ARSG: variants seen among roughly 807,000 people sequenced by gnomAD.
The protein encoded by ARSG is arylsulfatase G.
ARSG carries 37 observed loss-of-function variants against 50.5 expected under a neutral mutation model. That is an observed-to-expected ratio of 0.73 (90% CI 0.56 to 0.96). The LOEUF is 0.96. Ranked by LOEUF, ARSG falls within the 50% of genes least tolerant of loss-of-function variation. The pLI is 0.00. For missense variants in ARSG, 629 were observed against 675.3 expected (o/e 0.93, Z 0.76); for synonymous variants, 225 against 254.6 (o/e 0.88, Z 1.11).
intron 2 of ARSG, among the ~76,000 whole-genome samples, chr17:68,318,645 A>G (rs1431713609): frequency 1.3e-5 from 2 of 152,202 alleles, no homozygotes; most frequent in Non-Finnish European, 2.9e-5. Context: ...CACTGTAATC[A>G]TGTTTACTTA....
intron 1 of ARSG, among the ~76,000 whole-genome samples, chr17:68,305,486 G>C (rs782350030): frequency 1.3e-5 from 2 of 152,160 alleles, no homozygotes; most frequent in Non-Finnish European, 2.9e-5. Context: ...TGAATCTGCG[G>C]TTTAATCAAC....
At chr17:68,358,369 C>G (rs943787837) in intron 6 of ARSG, among the ~76,000 whole-genome samples, 6 of 151,892 alleles carry the variant, frequency 4.0e-5, no homozygotes, top group Non-Finnish European at 8.8e-5. Context: ...CCTGGACAAC[C>G]TGGTGAGACC....
At chr17:68,418,056 GC>G (rs1448609168) in intron 11 of ARSG, among the ~76,000 whole-genome samples, 11 of 151,976 alleles carry the variant, frequency 7.2e-5, no homozygotes, top group Non-Finnish European at 1.5e-4. Flanking sequence ...AGTTTGTTCA[GC>G]TTTTTACTTG....
intron 2 of ARSG, among the ~76,000 whole-genome samples, chr17:68,317,464 TG>T (rs1169524242): frequency 1.1e-4 from 16 of 151,942 alleles, no homozygotes; most frequent in African/African-American, 2.4e-4. Context: ...TGAACTGTTT[TG>T]TTTTTTTTTT....
At chr17:68,405,324 A>G (rs2081662305) in intron 11 of ARSG, among the ~76,000 whole-genome samples, 1 of 152,112 alleles carries the variant, frequency 6.6e-6, no homozygotes, top group Non-Finnish European at 1.5e-5. Context: ...ATCCATGAAC[A>G]TGGGATGTAA....
intron 9 of ARSG, among the ~76,000 whole-genome samples, chr17:68,391,467 G>A (rs943992172): frequency 6.6e-6 from 1 of 152,160 alleles, no homozygotes; most frequent in South Asian, 2.1e-4. Context: ...AGGATTCCGT[G>A]AACATTAGAC....
At chr17:68,388,988 C>T (rs1405608338) in intron 9 of ARSG, among the ~76,000 whole-genome samples, 1 of 151,930 alleles carries the variant, frequency 6.6e-6, no homozygotes, top group East Asian at 1.9e-4. Context: ...GAGGTAACTC[C>T]CTGGGCTACC....
intron 2 of ARSG, among the ~76,000 whole-genome samples, chr17:68,326,183 G>A (rs567799208): frequency 9.8e-5 from 15 of 152,342 alleles, no homozygotes; most frequent in African/African-American, 3.6e-4. Flanking sequence ...GATATGATAA[G>A]GGTTAGGGAC....
intron 2 of ARSG, among the ~76,000 whole-genome samples, chr17:68,331,448 G>A (rs971923818): frequency 6.6e-6 from 1 of 152,058 alleles, no homozygotes; most frequent in African/African-American, 2.4e-5. Context: ...GTTTCACCGT[G>A]TTAGCCAGGA....
At chr17:68,421,832 A>G (rs938892205), downstream of ARSG, 11 of 1,614,092 alleles carry the variant, frequency 6.8e-6, no homozygotes, top group Non-Finnish European at 9.3e-6. Context: ...TACCAAAATC[A>G]AAACAGAATG....
chr17:68,381,878 C>T lies in ARSG; in HGVS notation c.983-3186C>T, dbSNP rs2080449671. Among the ~76,000 whole-genome samples, 1 of 152,122 alleles carries T rather than the reference C, an allele frequency of 6.6e-6. No homozygotes were observed. The highest frequency in any genetic ancestry group is 1.5e-5 in the Non-Finnish European group (1 of 68,008). On this transcript the variant is annotated intron_variant, in intron 8 of 11. Coordinates refer to ENST00000621439, the MANE Select transcript of ARSG (RefSeq NM_001267727.2). The surrounding 1 kb of genome is among the most constrained non-coding windows in gnomAD (Gnocchi z 4.1). Reference sequence around the variant, plus strand: ...CTAATACATATTCAAAATGGAACCACCTCCCTAGGTTTAGTGAGTGAGGGT... The same window carrying T: ...CTAATACATATTCAAAATGGAACCATCTCCCTAGGTTTAGTGAGTGAGGGT...
intron 1 of ARSG, among the ~76,000 whole-genome samples, chr17:68,276,375 T>A (rs1455216546): frequency 6.6e-6 from 1 of 152,184 alleles, no homozygotes; most frequent in Non-Finnish European, 1.5e-5. Context: ...AGCAATAACT[T>A]CAGAGATAAC....
chr17:68,401,689 G>C (rs1712040413), intron 11 of ARSG, among the ~76,000 whole-genome samples: 1 of 152,210 alleles, frequency 6.6e-6, no homozygotes, highest in Non-Finnish European at 1.5e-5. Context: ...GGAGCTCTCA[G>C]CACGTTTATT....
chr17:68,382,592 T>C (rs2080490554), intron 8 of ARSG, among the ~76,000 whole-genome samples: 1 of 152,222 alleles, frequency 6.6e-6, no homozygotes. Flanking sequence ...ACAACACGCC[T>C]GTTTGATATA....
intron 1 of ARSG, among the ~76,000 whole-genome samples, chr17:68,297,102 T>C (rs782491422): frequency 6.6e-6 from 1 of 151,940 alleles, no homozygotes; most frequent in East Asian, 1.9e-4. Flanking sequence ...CGCCCTGGAG[T>C]TGTAGATCTT....
At chr17:68,444,616 A>T in the ARSG span, 1 of 1,592,098 alleles carries the variant, frequency 6.3e-7, no homozygotes. Context: ...TTATCAGTCT[A>T]CCGAACCGTT....
the ARSG span, among the ~76,000 whole-genome samples, chr17:68,445,542 C>A: frequency 6.6e-6 from 1 of 152,108 alleles, no homozygotes; most frequent in African/African-American, 2.4e-5. Context: ...CACGTCCCCA[C>A]TGTTCCTTCC....
chr17:68,366,635 C>G (rs2079559161), intron 6 of ARSG, among the ~76,000 whole-genome samples: 1 of 151,688 alleles, frequency 6.6e-6, no homozygotes, highest in Non-Finnish European at 1.5e-5. Flanking sequence ...CTCTAGCCAC[C>G]TGCTGCTGCT....
rs115674791 is a variant in ARSG at position 68,418,620 on chromosome 17, C to T, written c.1304-1569C>T. On this transcript the variant is annotated intron_variant, in intron 11 of 11. Transcript: ENST00000621439. ...AATCCTTAGGTGGTATGGCTTTGCC[C>T]CTATAGACTTCCTTGTATTGAGTTG... 5.8e-3 allele frequency among the ~76,000 whole-genome samples: 889 copies of T among 152,242 alleles called. 10 individuals are homozygous for T. The highest frequency in any genetic ancestry group is 0.02 in the African/African-American group (840 of 41,544).
Sources: gnomAD v4.1 joint callset for allele counts (sites outside exome capture counted in the v4.1 genomes callset) on GRCh38, gnomAD v4.1.1 for gene constraint, Gnocchi (gnomAD v3.1) non-coding constraint, MANE v1.5 for transcripts, NCBI Gene and HGNC (gene_info 2026-07-23, HGNC 2026-07-21) for gene names.